The following CDC42BPA variants were observed in gnomAD, a reference collection of about 807,000 sequenced individuals.
CDC42BPA encodes the protein CDC42 binding protein kinase alpha.
CDC42BPA carries 80 observed loss-of-function variants against 223.5 expected under a neutral mutation model. That is an observed-to-expected ratio of 0.36 (90% CI 0.30 to 0.43). The LOEUF is 0.43. Among genes scored for constraint, CDC42BPA ranks in the 20% least tolerant of loss-of-function variants. CDC42BPA has a pLI of 1.00. For synonymous variants in CDC42BPA, 694 were observed against 718.6 expected (o/e 0.97, Z 0.55); for missense variants, 1,743 against 2,099.9 (o/e 0.83, Z 3.32).
At chr1:227,012,422 A>C (rs1435679561) in intron 34 of CDC42BPA, among the ~76,000 whole-genome samples, 1 of 152,110 alleles carries the variant, frequency 6.6e-6, no homozygotes, top group African/African-American at 2.4e-5. Flanking sequence ...CTTAGATACA[A>C]ATAAAGGTTT....
chr1:227,307,144 C>T (rs921168258), intron 1 of CDC42BPA, among the ~76,000 whole-genome samples: 1 of 152,146 alleles, frequency 6.6e-6, no homozygotes, highest in Non-Finnish European at 1.5e-5. Context: ...TCTTTGCAAA[C>T]CAAGAAGTGC....
chr1:227,238,934 T>C (rs1679551087), intron 2 of CDC42BPA, among the ~76,000 whole-genome samples: 1 of 152,134 alleles, frequency 6.6e-6, no homozygotes, highest in African/African-American at 2.4e-5. Context: ...AAACAAAAAT[T>C]AGGAAATTAT....
chr1:227,017,984 T>C (rs948237862), intron 32 of CDC42BPA, among the ~76,000 whole-genome samples: 3 of 151,642 alleles, frequency 2.0e-5, no homozygotes, highest in Admixed American at 2.0e-4. Flanking sequence ...GGCATAATCA[T>C]ATGGCTTAGG....
At chr1:227,000,874 G>C (rs183064504) in intron 35 of CDC42BPA, among the ~76,000 whole-genome samples, 5 of 151,964 alleles carry the variant, frequency 3.3e-5, no homozygotes, top group Admixed American at 6.5e-5. Context: ...GGAGCCTGGG[G>C]ACCCTCTGGC....
At chr1:227,256,630 T>A (rs1238221400) in intron 1 of CDC42BPA, among the ~76,000 whole-genome samples, 2 of 152,016 alleles carry the variant, frequency 1.3e-5, no homozygotes, top group Non-Finnish European at 2.9e-5. Context: ...TTTAAATTAA[T>A]TAAATAAAAC....
chr1:227,274,113 G>A (rs923326614), intron 1 of CDC42BPA, among the ~76,000 whole-genome samples: 2 of 149,866 alleles, frequency 1.3e-5, no homozygotes, highest in African/African-American at 2.5e-5. Context: ...CAGCAATTCC[G>A]TAGTATATAT....
intron 27 of CDC42BPA, 108 bp downstream of exon 27, chr1:227,033,226 T>C (rs1669635564): frequency 1.5e-6 from 1 of 662,434 alleles, no homozygotes; most frequent in Non-Finnish European, 2.7e-6. Context: ...TATAAAAGAA[T>C]ATAAGATTTG....
intron 34 of CDC42BPA, among the ~76,000 whole-genome samples, chr1:227,009,189 A>G (rs1389046770): frequency 6.6e-6 from 1 of 152,256 alleles, no homozygotes; most frequent in Non-Finnish European, 1.5e-5. Flanking sequence ...TGAAGTAATA[A>G]AGGAATGACA....
At chr1:227,086,385 T>C (rs1681897401) in intron 16 of CDC42BPA, among the ~76,000 whole-genome samples, 1 of 152,216 alleles carries the variant, frequency 6.6e-6, no homozygotes, top group Non-Finnish European at 1.5e-5. Context: ...TTTAACTTTT[T>C]GAGAATTTTT....
At chr1:227,312,209 C>T (rs1047362071) in intron 1 of CDC42BPA, among the ~76,000 whole-genome samples, 12 of 151,984 alleles carry the variant, frequency 7.9e-5, no homozygotes, top group Admixed American at 7.9e-4. Flanking sequence ...CCTATCACAA[C>T]CAGCAGGAGA....
At chr1:227,276,297 C>A (rs1291918651) in intron 1 of CDC42BPA, among the ~76,000 whole-genome samples, 1 of 151,346 alleles carries the variant, frequency 6.6e-6, no homozygotes, top group Non-Finnish European at 1.5e-5. Flanking sequence ...GACTGCCAAC[C>A]CGTCTGGGAG....
chr1:227,167,901 T>C (rs964511803), intron 5 of CDC42BPA, among the ~76,000 whole-genome samples: 1 of 150,950 alleles, frequency 6.6e-6, no homozygotes, highest in Non-Finnish European at 1.5e-5. Context: ...TGTCTTACAG[T>C]GCAGGTCTTC....
intron 34 of CDC42BPA, among the ~76,000 whole-genome samples, chr1:227,008,941 C>T (rs1005336313): frequency 6.6e-6 from 1 of 152,020 alleles, no homozygotes; most frequent in Admixed American, 6.6e-5. Context: ...GACACATATA[C>T]AAGAGCAACC....
At chr1:227,036,555 A>C (rs12401993) in intron 24 of CDC42BPA, among the ~76,000 whole-genome samples, 1 of 149,620 alleles carries the variant, frequency 6.7e-6, no homozygotes, top group South Asian at 2.1e-4. Flanking sequence ...TCAGCCTCCC[A>C]AGCAGCTGGG....
intron 27 of CDC42BPA, among the ~76,000 whole-genome samples, chr1:227,031,975 CCAAGGA>C (rs1669375637): frequency 3.3e-5 from 5 of 152,118 alleles, no homozygotes; most frequent in Non-Finnish European, 5.9e-5. Context: ...AATCATTTCT[CCAAGGA>C]CATACAACTA....
chr1:227,056,755 G>C (rs1178588789), intron 21 of CDC42BPA, among the ~76,000 whole-genome samples: 1 of 152,044 alleles, frequency 6.6e-6, no homozygotes, highest in Non-Finnish European at 1.5e-5. Context: ...CAAAGTAGAA[G>C]GTAATTTAAT....
chr1:227,317,724 C>G lies in CDC42BPA; in HGVS notation c.-542G>C, dbSNP rs1311420081. 5.0e-6 allele frequency: 2 copies of G among 398,450 alleles called. No individual in the cohort carries two copies. Among genetic ancestry groups the G allele is most frequent in the Non-Finnish European group, 8.8e-6 (2 of 226,152 alleles). 24.7% of individuals were successfully genotyped at this position (398,450 alleles called of 1,614,324 possible). ...AAATGTTGCTGCAAATCCTCCCAAC[C>G]ACCACTTGGATAATGCATCAGCGGC... On this transcript the variant is annotated 5_prime_UTR_variant, in exon 1 of 37. Transcript: ENST00000366766.
chr1:227,159,761 A>G (rs891238469), intron 6 of CDC42BPA, among the ~76,000 whole-genome samples: 2 of 152,098 alleles, frequency 1.3e-5, no homozygotes, highest in African/African-American at 2.4e-5. Context: ...CCTGGACTCA[A>G]GTGATCCTCT....
At chr1:227,040,261 C>T in intron 23 of CDC42BPA, 25 bp from the exon 24 acceptor site, 1 of 1,408,336 alleles carries the variant, frequency 7.1e-7, no homozygotes. Flanking sequence ...GATAAAAAAA[C>T]ACACAGATTG....
Sources: allele counts gnomAD v4.1 joint callset (sites outside exome capture counted in the v4.1 genomes callset), GRCh38; gene constraint gnomAD v4.1.1; transcripts MANE v1.5; gene names NCBI Gene and HGNC (gene_info 2026-07-23, HGNC 2026-07-21).